The following EDA2R variants were observed in gnomAD, a reference collection of about 807,000 sequenced individuals.
EDA2R encodes the protein ectodysplasin A2 receptor.
In EDA2R, 26 loss-of-function variants were observed where a neutral mutation model predicts 20.1. That is an observed-to-expected ratio of 1.30 (90% CI 0.95 to 1.80). The LOEUF is 1.80. EDA2R is among the 40% of genes most tolerant of loss of function. The pLI, the probability that EDA2R is intolerant of heterozygous loss-of-function variation, is 0.00. For synonymous variants in EDA2R, 114 were observed against 88.7 expected (o/e 1.29, Z -1.60); for missense variants, 277 against 228.7 (o/e 1.21, Z -1.36).
intron 6 of EDA2R, among the ~76,000 whole-genome samples, chrX:66,599,068 A>G (rs1362959936): frequency 1.8e-5 from 2 of 112,255 alleles, no homozygotes; most frequent in Non-Finnish European, 3.8e-5. Context: ...AGGTTTGTAT[A>G]GTTATTAGGG....
intron 2 of EDA2R, among the ~76,000 whole-genome samples, chrX:66,607,558 C>T (rs770355372): frequency 1.8e-5 from 2 of 110,609 alleles, no homozygotes; most frequent in African/African-American, 3.3e-5. Flanking sequence ...AGGCTGAAGT[C>T]AGCAATAACC....
intron 4 of EDA2R, among the ~76,000 whole-genome samples, chrX:66,604,140 A>G (rs771378071): frequency 1.8e-5 from 2 of 111,483 alleles, no homozygotes; most frequent in African/African-American, 3.3e-5. Context: ...CCTAACATCC[A>G]TTTTCTCATT....
intron 2 of EDA2R, among the ~76,000 whole-genome samples, chrX:66,611,617 C>T (rs1930751656): frequency 9.1e-6 from 1 of 109,753 alleles, no homozygotes; most frequent in Admixed American, 9.7e-5. Flanking sequence ...GAGGACAGAA[C>T]AACAGAATTT....
chrX:66,625,283 C>A (rs1315200610), intron 1 of EDA2R, among the ~76,000 whole-genome samples: 1 of 111,176 alleles, frequency 9.0e-6, no homozygotes, highest in African/African-American at 3.3e-5. Flanking sequence ...TTCTCAAGCC[C>A]TACTCACCCA....
chrX:66,608,957 T>G (rs1012487514), intron 2 of EDA2R, among the ~76,000 whole-genome samples: 2 of 112,214 alleles, frequency 1.8e-5, no homozygotes, highest in African/African-American at 6.5e-5. Context: ...GTGAATGTGA[T>G]TAATGCTGCT....
intron 1 of EDA2R, among the ~76,000 whole-genome samples, chrX:66,634,810 G>T (rs1258023753): frequency 9.0e-6 from 1 of 111,467 alleles, no homozygotes; most frequent in Non-Finnish European, 1.9e-5. Context: ...TACTACCAAG[G>T]CTCCAGCTTC....
intron 2 of EDA2R, among the ~76,000 whole-genome samples, chrX:66,615,434 A>G (rs746270174): frequency 8.9e-6 from 1 of 111,758 alleles, no homozygotes; most frequent in Non-Finnish European, 1.9e-5. Flanking sequence ...TAAGTTACAT[A>G]AAGTCTCTGC....
At chrX:66,598,831 TCTACCTACTCTC>T (rs1927938682) in intron 6 of EDA2R, among the ~76,000 whole-genome samples, 1 of 111,773 alleles carries the variant, frequency 8.9e-6, no homozygotes, top group African/African-American at 3.3e-5. Context: ...AAACTGGGAA[TCTACCTACTCTC>T]CTACCTCATG....
intron 1 of EDA2R, among the ~76,000 whole-genome samples, chrX:66,632,842 C>A (rs1036299654): frequency 1.3e-4 from 15 of 111,819 alleles, no homozygotes; most frequent in Non-Finnish European, 2.4e-4. Context: ...GTGGGTACTA[C>A]AGTTTTTAAT....
chrX:66,604,667 G>C (rs1350880656), intron 3 of EDA2R, among the ~76,000 whole-genome samples, 161 bp from the exon 4 acceptor site: 1 of 111,694 alleles, frequency 9.0e-6, no homozygotes, highest in African/African-American at 3.3e-5. Flanking sequence ...CTGACTCAGA[G>C]ACCCAGACAC....
intron 1 of EDA2R, among the ~76,000 whole-genome samples, chrX:66,637,563 G>A (rs1045709399): frequency 8.9e-6 from 1 of 111,990 alleles, no homozygotes; most frequent in African/African-American, 3.3e-5. Flanking sequence ...TCCGCTAATC[G>A]TACTCTAAAA....
intron 6 of EDA2R, 85 bp from the exon 7 acceptor site, chrX:66,598,178 T>A (rs1370296491): frequency 2.2e-5 from 7 of 316,995 alleles, no homozygotes; most frequent in Non-Finnish European, 3.6e-5. Context: ...ATATCATAGG[T>A]TAAGCCAATG....
chrX:66,616,643 G>A (rs1303158644), intron 1 of EDA2R, among the ~76,000 whole-genome samples: 1 of 112,399 alleles, frequency 8.9e-6, no homozygotes, highest in Non-Finnish European at 1.9e-5. Flanking sequence ...GAATGGGAGG[G>A]GAGAATAACC....
chrX:66,605,079 A>G lies in EDA2R; in HGVS notation c.235T>C (p.Ser79Pro), dbSNP rs778470908. Reference protein sequence around the residue: ...RVQKVNCTATSNAVCGDCLPR... With the variant: ...RVQKVNCTATPNAVCGDCLPR... Reference sequence around the variant, plus strand: ...AAACAGTCCCCACAGACAGCATTAGAGGTAGCTGTGCAGTTGACCTTCTGA... The same window carrying G: ...AAACAGTCCCCACAGACAGCATTAGGGGTAGCTGTGCAGTTGACCTTCTGA... Residue 79 changes from serine (S) to proline (P), a missense_variant, in exon 3 of 7, where the codon TCT becomes CCT. Transcript: ENST00000374719. The G allele has an allele frequency of 1.7e-6, 2 of 1,208,311 alleles. No homozygotes were observed. The highest frequency in any genetic ancestry group is 2.2e-6 in the Non-Finnish European group (2 of 893,801).
At chrX:66,617,762 AC>A (rs1415032154) in intron 1 of EDA2R, among the ~76,000 whole-genome samples, 1 of 109,777 alleles carries the variant, frequency 9.1e-6, no homozygotes, top group Non-Finnish European at 1.9e-5. Context: ...TGGCTTTGAA[AC>A]CTCTGTCTAG....
In EDA2R at chrX:66,636,720, G is replaced by A. The variant is rs186688502; in HGVS notation, c.-11+2275C>T. ...ACAATTCATGAAATTCTACTTGTCA[G>A]GCACTGTGCTAGACCCTTGGCAGGA... is the stretch of plus-strand genomic sequence containing the variant. On this transcript the variant is annotated intron_variant, in intron 1 of 6. Transcript: ENST00000374719. Among the ~76,000 whole-genome samples, 14 of 110,351 alleles carry A rather than the reference G, an allele frequency of 1.3e-4. No homozygotes were observed. In the East Asian group the frequency reaches 2.3e-3, roughly 18 times the overall value.
At chrX:66,611,691 A>C (rs1245534981) in intron 2 of EDA2R, among the ~76,000 whole-genome samples, 3 of 111,345 alleles carry the variant, frequency 2.7e-5, no homozygotes, top group Non-Finnish European at 5.7e-5. Flanking sequence ...AGAACCTATG[A>C]GACTATAACA....
In EDA2R at chrX:66,604,472, C is replaced by T; in HGVS notation, c.301G>A (p.Asp101Asn). 1.7e-6 allele frequency: 2 copies of T among 1,208,896 alleles called. No homozygotes were observed. The highest frequency in any genetic ancestry group is 2.2e-6 in the Non-Finnish European group (2 of 893,963). Residue 101 changes from aspartate to asparagine, a missense_variant, in exon 4 of 7, where the codon GAC becomes AAC. Coordinates refer to ENST00000374719, the MANE Select transcript of EDA2R (RefSeq NM_021783.5). Reference sequence around the variant, plus strand: ...TTCGTGCACGGGATGCACTCTTGGTCCTGCAGGCCTCCAATGCGTGTCTTT... The same window carrying T: ...TTCGTGCACGGGATGCACTCTTGGTTCTGCAGGCCTCCAATGCGTGTCTTT... ...YRKTRIGGLQ[D>N]QECIPCTKQT...
At position 66,598,037 on chromosome X, in the gene EDA2R, T is replaced by A; in HGVS notation, c.*67A>T. The A allele has an allele frequency of 1.0e-6, 1 of 968,528 alleles. No homozygotes were observed. The highest frequency in any genetic ancestry group is 1.3e-6 in the Non-Finnish European group (1 of 754,299). 79.8% of individuals were successfully genotyped at this position (968,528 alleles called of 1,213,427 possible). A position where few individuals can be genotyped will look rare whatever the true frequency, so the allele number is the denominator to read the frequency against. Reference sequence around the variant, plus strand: ...TTTCAGGCCCCTGCTGCTGTTGTGGTATAGGAACAGAGTCCAGAGAGAACA... The same window carrying A: ...TTTCAGGCCCCTGCTGCTGTTGTGGAATAGGAACAGAGTCCAGAGAGAACA... On this transcript the variant is annotated 3_prime_UTR_variant, in exon 7 of 7. Coordinates refer to ENST00000374719, the MANE Select transcript of EDA2R (RefSeq NM_021783.5).
Sources: gnomAD v4.1 joint callset for allele counts (sites outside exome capture counted in the v4.1 genomes callset) on GRCh38, gnomAD v4.1.1 for gene constraint, MANE v1.5 for transcripts, NCBI Gene and HGNC (gene_info 2026-07-23, HGNC 2026-07-21) for gene names.